Variants in DLG2 observed in about 807,000 individuals in gnomAD.
DLG2 encodes the protein discs large MAGUK scaffold protein 2, also known as disks large homolog 2.
Under a neutral mutation model 132.5 loss-of-function variants are expected in DLG2, and 45 were observed. That is an observed-to-expected ratio of 0.34 (90% confidence interval 0.27 to 0.44). The LOEUF is 0.44. DLG2 is among the 20% of genes least tolerant of loss of function. The pLI is 1.00. For synonymous variants in DLG2, 424 were observed against 419.6 expected (o/e 1.01, Z -0.13); for missense variants, 1,045 against 1,196.9 (o/e 0.87, Z 1.87).
At chr11:84,406,907 G>C (rs1368848750) in intron 7 of DLG2, among the ~76,000 whole-genome samples, 1 of 152,146 alleles carries the variant, frequency 6.6e-6, no homozygotes, top group African/African-American at 2.4e-5. Context: ...GGTGAGAGAG[G>C]GAAAAGGAGA....
At chr11:83,476,246 G>C (rs2092607199) in intron 22 of DLG2, among the ~76,000 whole-genome samples, 1 of 152,046 alleles carries the variant, frequency 6.6e-6, no homozygotes, top group Non-Finnish European at 1.5e-5. Flanking sequence ...GGGTTCATGT[G>C]CTTCATAGAT....
At chr11:85,601,831 G>A (rs2080184660) in intron 2 of DLG2, among the ~76,000 whole-genome samples, 1 of 152,006 alleles carries the variant, frequency 6.6e-6, no homozygotes, top group African/African-American at 2.4e-5. Flanking sequence ...TCTCAATGAG[G>A]GCTTAAGATG....
chr11:84,314,307 G>T (rs775294511), intron 7 of DLG2, among the ~76,000 whole-genome samples: 7 of 152,012 alleles, frequency 4.6e-5, no homozygotes, highest in Non-Finnish European at 8.8e-5. Flanking sequence ...CCAGCTTTAG[G>T]TTTTACAATA....
chr11:84,882,759 A>G (rs2087555943), intron 6 of DLG2, among the ~76,000 whole-genome samples: 1 of 152,076 alleles, frequency 6.6e-6, no homozygotes, highest in East Asian at 1.9e-4. Flanking sequence ...GGGCACCAGA[A>G]TCTTCATTAA....
At chr11:84,564,270 AG>A (rs2099440925) in intron 6 of DLG2, among the ~76,000 whole-genome samples, 1 of 152,172 alleles carries the variant, frequency 6.6e-6, no homozygotes, top group African/African-American at 2.4e-5. Flanking sequence ...CCTGTTACAG[AG>A]GAAAAAATAC....
chr11:84,673,669 A>G (rs1047639393), intron 6 of DLG2, among the ~76,000 whole-genome samples: 1 of 151,948 alleles, frequency 6.6e-6, no homozygotes. Context: ...TGTGACAAAA[A>G]TAAGAATTTT....
At chr11:84,787,598 C>T (rs1050548003) in intron 6 of DLG2, among the ~76,000 whole-genome samples, 4 of 152,122 alleles carry the variant, frequency 2.6e-5, no homozygotes, top group Non-Finnish European at 5.9e-5. Context: ...GGCAATTATG[C>T]ACCTATATGT....
rs539219308 is a variant in DLG2 at position 84,273,365 on chromosome 11, T to C, written c.520-22074A>G. ...CTGTTACATAAACTTCTTAATTAGA[T>C]CTGCTACACAAACTGCTATCTTAAG... On this transcript the variant is annotated intron_variant, in intron 7 of 27. Transcript: ENST00000376104. 26 of 1,305,106 alleles carry C rather than the reference T, an allele frequency of 2.0e-5. 1 individual carries two copies. The Middle Eastern group carries it at 6.8e-4, about 34-fold the overall frequency. 80.8% of individuals were successfully genotyped at this position (1,305,106 alleles called of 1,614,324 possible). A position where few individuals can be genotyped will look rare whatever the true frequency, so the allele number is the denominator to read the frequency against.
At chr11:83,889,410 C>T (rs2068967749) in intron 15 of DLG2, among the ~76,000 whole-genome samples, 1 of 151,012 alleles carries the variant, frequency 6.6e-6, no homozygotes, top group Non-Finnish European at 1.5e-5. Flanking sequence ...CAATGAGATA[C>T]CATCTCACAC....
At chr11:84,759,994 T>C (rs1212182253) in intron 6 of DLG2, among the ~76,000 whole-genome samples, 1 of 152,220 alleles carries the variant, frequency 6.6e-6, no homozygotes. Context: ...ATGAACTCTT[T>C]ACACGAAGGA....
chr11:85,619,614 A>G (rs61198962), intron 2 of DLG2, among the ~76,000 whole-genome samples: 9,590 of 152,066 alleles, frequency 0.063, 984 homozygotes, highest in African/African-American at 0.22. Context: ...CAGATGAATC[A>G]CCTGAGGTCA....
intron 4 of DLG2, among the ~76,000 whole-genome samples, chr11:85,207,489 A>G (rs930988387): frequency 6.6e-6 from 1 of 152,170 alleles, no homozygotes; most frequent in African/African-American, 2.4e-5. Context: ...TGAGCTACCA[A>G]CTTCTGGACT....
chr11:84,236,935 G>A (rs868677021), intron 8 of DLG2, among the ~76,000 whole-genome samples: 1 of 136,866 alleles, frequency 7.3e-6, no homozygotes, highest in African/African-American at 2.7e-5. Flanking sequence ...TTTTTTTTTT[G>A]TTTTTTTTTT....
At chr11:83,933,540 G>T (rs1387765878) in intron 14 of DLG2, among the ~76,000 whole-genome samples, 1 of 152,104 alleles carries the variant, frequency 6.6e-6, no homozygotes, top group African/African-American at 2.4e-5. Flanking sequence ...AGCACACCCT[G>T]GCCCTTGGTG....
At chr11:83,940,785 G>C (rs186376601) in intron 14 of DLG2, among the ~76,000 whole-genome samples, 28 of 152,286 alleles carry the variant, frequency 1.8e-4, no homozygotes, top group African/African-American at 6.5e-4. Context: ...TCTTGGGCAG[G>C]TTGTTTACCT....
At chr11:85,524,307 C>T (rs1443273543) in intron 3 of DLG2, among the ~76,000 whole-genome samples, 1 of 151,256 alleles carries the variant, frequency 6.6e-6, no homozygotes, top group African/African-American at 2.4e-5. Context: ...TCAATTTGCC[C>T]TAAGGAAATA....
chr11:84,818,710 G>T (rs2077337342), intron 6 of DLG2, among the ~76,000 whole-genome samples: 1 of 151,864 alleles, frequency 6.6e-6, no homozygotes. Context: ...TATCTCTAGA[G>T]AAACTTCACT....
chr11:85,125,709 A>G (rs1321086715), intron 5 of DLG2, among the ~76,000 whole-genome samples: 1 of 152,066 alleles, frequency 6.6e-6, no homozygotes, highest in Admixed American at 6.5e-5. Flanking sequence ...ATTTCTGTGA[A>G]TGCACCTCAT....
intron 18 of DLG2, among the ~76,000 whole-genome samples, chr11:83,666,775 C>T (rs2075675475): frequency 6.6e-6 from 1 of 152,174 alleles, no homozygotes; most frequent in East Asian, 1.9e-4. Flanking sequence ...CAAGAGAGGT[C>T]CCATGACTTG....
Sources: gnomAD v4.1 joint callset for allele counts (sites outside exome capture counted in the v4.1 genomes callset) on GRCh38, gnomAD v4.1.1 for gene constraint, MANE v1.5 for transcripts, NCBI Gene and HGNC (gene_info 2026-07-23, HGNC 2026-07-21) for gene names.